The following XPO4 variants were observed in gnomAD, a reference collection of about 807,000 sequenced individuals.
XPO4 encodes exportin 4, also known as exportin-4.
In XPO4, 39 loss-of-function variants were observed where a neutral mutation model predicts 143.0. The ratio of observed to expected loss-of-function variants is 0.27; its 90% confidence interval spans 0.21 to 0.36. The LOEUF (loss-of-function observed/expected upper bound fraction) is 0.36, where lower values mean the gene tolerates loss of function less well. XPO4 is among the 10% of genes least tolerant of loss of function. XPO4 has a pLI of 1.00. For synonymous variants in XPO4, 439 were observed against 474.0 expected, an observed-to-expected ratio of 0.93 and a Z score of 0.96; for missense variants, 907 against 1,348.0, an observed-to-expected ratio of 0.67 and a Z score of 5.12.
rs556350214 is a variant in XPO4, at chr13:20,788,347, G to C, written c.3047+139C>G. On this transcript the variant is annotated intron_variant, in intron 20 of 22. Transcript: ENST00000255305. ...GCTGGAATTACAGGTGTGAGCCACC[G>C]TGCCTGGCCCAGGGTTTTTTAAGAA... 4.1e-5 allele frequency: 48 copies of C among 1,169,740 alleles called. No individual in the cohort carries two copies. The East Asian group carries it at 1.5e-3, about 37-fold the overall frequency. The allele number at this position is 1,169,740 out of a possible 1,614,324, so 72.5% of individuals were successfully genotyped here.
intron 1 of XPO4, 65 bp downstream of exon 1, chr13:20,902,605 C>T: frequency 6.7e-7 from 1 of 1,498,008 alleles, no homozygotes; most frequent in Non-Finnish European, 8.9e-7. Context: ...AGCAGCAAGG[C>T]CTGGAGTGGC....
chr13:20,880,216 G>A (rs373254625), intron 1 of XPO4, among the ~76,000 whole-genome samples: 2 of 151,820 alleles, frequency 1.3e-5, no homozygotes, highest in South Asian at 4.2e-4. Flanking sequence ...GGTGGATCAC[G>A]AGGTCAGGAG....
chr13:20,897,805 A>G (rs923721813), intron 1 of XPO4, among the ~76,000 whole-genome samples: 3 of 152,280 alleles, frequency 2.0e-5, no homozygotes, highest in South Asian at 2.1e-4. Context: ...CCCAGGCTGG[A>G]GTGCAATGGC....
intron 1 of XPO4, among the ~76,000 whole-genome samples, chr13:20,878,164 T>C (rs1028194583): frequency 6.6e-5 from 10 of 151,980 alleles, no homozygotes; most frequent in Admixed American, 2.6e-4. Flanking sequence ...CAGAGCCAGA[T>C]GCCACCTCAA....
intron 4 of XPO4, chr13:20,848,756 C>T: frequency 7.1e-6 from 7 of 985,246 alleles, no homozygotes; most frequent in Non-Finnish European, 8.4e-6. Flanking sequence ...GTTAACATAA[C>T]AGAAGTTGGA....
At chr13:20,834,100 C>G (rs2059886769) in intron 6 of XPO4, among the ~76,000 whole-genome samples, 1 of 152,084 alleles carries the variant, frequency 6.6e-6, no homozygotes, top group African/African-American at 2.4e-5. Context: ...TTAACATCTA[C>G]CAAATCACAG....
At chr13:20,872,377 T>A (rs961508455) in intron 1 of XPO4, among the ~76,000 whole-genome samples, 8 of 152,234 alleles carry the variant, frequency 5.3e-5, no homozygotes, top group African/African-American at 1.7e-4. Flanking sequence ...CAACTTAGCA[T>A]AATGGACTAC....
At chr13:20,902,419 C>G (rs1007223034) in intron 1 of XPO4, 145 of 985,302 alleles carry the variant, frequency 1.5e-4, no homozygotes, top group Non-Finnish European at 1.7e-4. Context: ...CTTTGCTACA[C>G]CACTATATTC....
At chr13:20,844,109 A>T (rs945538726) in intron 4 of XPO4, among the ~76,000 whole-genome samples, 1 of 152,220 alleles carries the variant, frequency 6.6e-6, no homozygotes, top group African/African-American at 2.4e-5. Flanking sequence ...CCTCAAATGC[A>T]GTTATACAAA....
rs368220242 is a variant in XPO4, at chr13:20,885,222, T to C, written c.70-16521A>G. 5.3e-5 allele frequency among the ~76,000 whole-genome samples: 8 copies of C among 152,306 alleles called. No individual in the cohort carries two copies. The South Asian group carries it at 1.4e-3, about 28-fold the overall frequency. Reference sequence around the variant, plus strand: ...GCCTTGGCCTCCCAAAGTGCTGAGATTGCAGGTATGAGCCACCGTGCCCAG... The same window carrying C: ...GCCTTGGCCTCCCAAAGTGCTGAGACTGCAGGTATGAGCCACCGTGCCCAG... On this transcript the variant is annotated intron_variant, in intron 1 of 22. Transcript: ENST00000255305.
intron 9 of XPO4, among the ~76,000 whole-genome samples, chr13:20,819,765 T>C (rs547157050): frequency 6.6e-6 from 1 of 152,294 alleles, no homozygotes; most frequent in African/African-American, 2.4e-5. Flanking sequence ...AAAGATGAAA[T>C]GGTTTCTGTC....
intron 4 of XPO4, among the ~76,000 whole-genome samples, chr13:20,855,048 TATA>T (rs1231880027): frequency 6.6e-6 from 1 of 152,104 alleles, no homozygotes; most frequent in East Asian, 1.9e-4. Context: ...CATATTAACT[TATA>T]ATATTTTATA....
At position 20,786,970 on chromosome 13, in the gene XPO4, G is replaced by A. The variant is rs368610348; in HGVS notation, c.3253C>T (p.His1085Tyr). The A allele has an allele frequency of 1.9e-6, 3 of 1,556,280 alleles. No homozygotes were observed. Among genetic ancestry groups the A allele is most frequent in the African/African-American group, 2.7e-5 (2 of 73,254 alleles). ...AAAAGAGGCATGTCCAGTACCTGGTGCAAACACACCAACGTGTAGAAAGCT... is the reference window on the plus strand; with the variant it reads ...AAAAGAGGCATGTCCAGTACCTGGTACAAACACACCAACGTGTAGAAAGCT... ...GEAFYTLVCL[H>Y]QAEYSELVET... Residue 1085 changes from histidine (H) to tyrosine (Y), a missense_variant, in exon 22 of 23, where the codon CAC (histidine) becomes TAC (tyrosine). Coordinates refer to ENST00000255305, the MANE Select transcript of XPO4 (RefSeq NM_022459.5).
At chr13:20,898,067 A>G (rs1207445714) in intron 1 of XPO4, among the ~76,000 whole-genome samples, 3 of 152,140 alleles carry the variant, frequency 2.0e-5, no homozygotes, top group Non-Finnish European at 4.4e-5. Context: ...TTTCTCATTT[A>G]TAAGGTTTAG....
chr13:20,793,793 G>C (rs1012778864), intron 18 of XPO4, among the ~76,000 whole-genome samples: 2 of 152,118 alleles, frequency 1.3e-5, no homozygotes, highest in Admixed American at 1.3e-4. Flanking sequence ...AAGACTCCCA[G>C]GTGAAAAAAT....
Position 20,884,415 on chromosome 13 carries a change from C to T in XPO4, c.70-15714G>A, listed in dbSNP as rs534768614. ...CAATATAATCCAATCCGATCCGATC[C>T]GATCCGATCCAATCCAATCCAATCC... is the stretch of plus-strand genomic sequence containing the variant. On this transcript the variant is annotated intron_variant, in intron 1 of 22. Coordinates refer to ENST00000255305, the MANE Select transcript of XPO4 (RefSeq NM_022459.5). Among the ~76,000 whole-genome samples the T allele has an allele frequency of 2.4e-4, 37 of 151,966 alleles. 2 individuals are homozygous for T. The South Asian group carries it at 7.1e-3, about 29-fold the overall frequency.
At chr13:20,819,528 C>T (rs1257772488) in intron 9 of XPO4, among the ~76,000 whole-genome samples, 2 of 152,028 alleles carry the variant, frequency 1.3e-5, no homozygotes, top group African/African-American at 2.4e-5. Flanking sequence ...GGCGTGATGG[C>T]GCATGCCTGT....
chr13:20,851,730 A>G (rs1398720072), intron 4 of XPO4: 8 of 828,188 alleles, frequency 9.7e-6, no homozygotes, highest in Admixed American at 7.0e-5. Flanking sequence ...AAAAAAAAAA[A>G]GAAAGAAAGA....
At chr13:20,902,620 C>T in intron 1 of XPO4, 50 bp downstream of exon 1, 2 of 1,496,476 alleles carry the variant, frequency 1.3e-6, no homozygotes, top group African/African-American at 1.4e-5. Flanking sequence ...AGTGGCAGGG[C>T]CGACCGGGGG....
Sources: allele counts gnomAD v4.1 joint callset (sites outside exome capture counted in the v4.1 genomes callset), GRCh38; gene constraint gnomAD v4.1.1; transcripts MANE v1.5; gene names NCBI Gene and HGNC (gene_info 2026-07-23, HGNC 2026-07-21).